DLGAP1: variants seen among roughly 807,000 people sequenced by gnomAD.
DLGAP1 encodes the protein disks large-associated protein 1.
A neutral mutation model predicts 90.8 loss-of-function variants in DLGAP1; 11 were observed. The observed-to-expected ratio is 0.12, with a 90% CI of 0.08 to 0.20. DLGAP1 has a LOEUF of 0.20. Among genes scored for constraint, DLGAP1 ranks in the 10% least tolerant of loss-of-function variants. The pLI, the probability that DLGAP1 is intolerant of heterozygous loss-of-function variation, is 1.00. For missense variants in DLGAP1, 1,050 were observed against 1,333.8 expected, an observed-to-expected ratio of 0.79 and a Z score of 3.31; for synonymous variants, 558 against 540.7, an observed-to-expected ratio of 1.03 and a Z score of -0.44.
At chr18:3,914,009 T>A (rs980496006) in intron 3 of DLGAP1, among the ~76,000 whole-genome samples, 3 of 152,242 alleles carry the variant, frequency 2.0e-5, no homozygotes, top group Non-Finnish European at 2.9e-5. Flanking sequence ...CAATTGTCAC[T>A]ATGGCTTTCT....
At chr18:3,706,036 CGCCCAGGCTGGATT>C (rs1567989820) in intron 7 of DLGAP1, among the ~76,000 whole-genome samples, 1 of 141,794 alleles carries the variant, frequency 7.1e-6, no homozygotes, top group Non-Finnish European at 1.5e-5. Context: ...CAGGCTGGAT[CGCCCAGGCTGGATT>C]GCCCAGGCGC....
In DLGAP1 at chr18:4,003,601, G is replaced by T. The variant is rs577337917; in HGVS notation, c.-73+1515C>A. Among the ~76,000 whole-genome samples, 8 of 152,228 alleles carry T rather than the reference G, an allele frequency of 5.3e-5. No individual in the cohort carries two copies. The South Asian group carries it at 8.3e-4, about 16-fold the overall frequency. ...TATTGAATGGGAAAGTTTGAAAGAGGTGGCATTTGGGGTGAAAGTGTCTCC... is the reference window on the plus strand; with the variant it reads ...TATTGAATGGGAAAGTTTGAAAGAGTTGGCATTTGGGGTGAAAGTGTCTCC... On this transcript the variant is annotated intron_variant, in intron 3 of 12. Transcript: ENST00000315677.
chr18:3,884,152 G>A (rs941174626), intron 3 of DLGAP1, among the ~76,000 whole-genome samples: 1 of 152,212 alleles, frequency 6.6e-6, no homozygotes, highest in Non-Finnish European at 1.5e-5. Flanking sequence ...CTGTGGCAAG[G>A]AAGAATGTAA....
chr18:4,391,424 T>C (rs2082337903), intron 1 of DLGAP1, among the ~76,000 whole-genome samples: 1 of 152,180 alleles, frequency 6.6e-6, no homozygotes, highest in Non-Finnish European at 1.5e-5. Flanking sequence ...AATAGTCCTA[T>C]TTACCTATTT....
chr18:4,347,774 ACTAT>A lies in DLGAP1; in HGVS notation c.-267+107228_-267+107231del, dbSNP rs141978490. The stretch of plus-strand genomic sequence containing the variant: ...GGGGAAGATGCTAGTTATCTCCATT[ACTAT>A]CTATTATTTTACTGAAAGTGTTAAA... On this transcript the variant is annotated intron_variant, in intron 1 of 12. Transcript: ENST00000315677. 2.9e-3 allele frequency among the ~76,000 whole-genome samples: 434 copies of A among 152,194 alleles called. 1 individual carries two copies. The highest frequency in any genetic ancestry group is 1.0e-2 in the African/African-American group (414 of 41,558).
intron 1 of DLGAP1, among the ~76,000 whole-genome samples, chr18:4,249,485 C>T (rs2078732780): frequency 1.4e-5 from 2 of 147,032 alleles, no homozygotes; most frequent in Admixed American, 6.8e-5. Flanking sequence ...ATTGGCTATG[C>T]ATATTAGATA....
intron 1 of DLGAP1, among the ~76,000 whole-genome samples, chr18:4,278,039 G>C (rs1277431470): frequency 6.6e-6 from 1 of 151,946 alleles, no homozygotes; most frequent in Non-Finnish European, 1.5e-5. Flanking sequence ...ATTTAGAAGA[G>C]AAAAGCTACT....
At chr18:4,197,199 A>AAAAAAAAAAAAAAAAAAG (rs1555760529) in intron 1 of DLGAP1, among the ~76,000 whole-genome samples, 1 of 144,304 alleles carries the variant, frequency 6.9e-6, no homozygotes, top group East Asian at 2.2e-4. Context: ...AAAAAAAAAA[A>AAAAAAAAAAAAAAAAAAG]AAAAAAAAAG....
chr18:4,041,191 A>C (rs2074968821), intron 2 of DLGAP1, among the ~76,000 whole-genome samples: 1 of 152,226 alleles, frequency 6.6e-6, no homozygotes, highest in Admixed American at 6.5e-5. Flanking sequence ...TGGTTTTGCA[A>C]TGCAATAGTG....
chr18:3,871,453 G>A lies in DLGAP1; in HGVS notation c.957+7659C>T, dbSNP rs970871872. ...ATGTATCTTATGATTTTAGAGTCTC[G>A]GAGAATTAAATCAGGGAGGAGTTAG... On this transcript the variant is annotated intron_variant, in intron 4 of 12. Transcript: ENST00000315677. Among the ~76,000 whole-genome samples the A allele has an allele frequency of 6.6e-5, 10 of 152,118 alleles. No homozygotes were observed. In the South Asian group the frequency reaches 1.0e-3, roughly 16 times the overall value.
chr18:4,379,578 T>A (rs2082077600), intron 1 of DLGAP1, among the ~76,000 whole-genome samples: 1 of 152,078 alleles, frequency 6.6e-6, no homozygotes, highest in Non-Finnish European at 1.5e-5. Context: ...TCACACAAAA[T>A]CTGCACTTCA....
intron 4 of DLGAP1, among the ~76,000 whole-genome samples, chr18:3,830,741 C>T (rs1293795086): frequency 6.6e-6 from 1 of 152,188 alleles, no homozygotes; most frequent in Non-Finnish European, 1.5e-5. Flanking sequence ...TAACACTGAT[C>T]ACATTGTTTT....
chr18:3,840,046 G>A (rs1452780332), intron 4 of DLGAP1, among the ~76,000 whole-genome samples: 2 of 152,166 alleles, frequency 1.3e-5, no homozygotes, highest in Admixed American at 1.3e-4. Context: ...TTCCTCTAGC[G>A]CCAGCGTTGC....
intron 1 of DLGAP1, among the ~76,000 whole-genome samples, chr18:4,360,547 A>G (rs2081609508): frequency 6.6e-6 from 1 of 152,224 alleles, no homozygotes; most frequent in Non-Finnish European, 1.5e-5. Flanking sequence ...TAGATAAATA[A>G]AGCAAGTTTG....
intron 1 of DLGAP1, among the ~76,000 whole-genome samples, chr18:4,261,650 A>G (rs2079005337): frequency 6.6e-6 from 1 of 152,154 alleles, no homozygotes; most frequent in Admixed American, 6.5e-5. Flanking sequence ...TTTTTAGCAT[A>G]TAGTGAATTA....
chr18:3,949,062 T>C (rs1385229050), intron 3 of DLGAP1, among the ~76,000 whole-genome samples: 1 of 152,200 alleles, frequency 6.6e-6, no homozygotes, highest in Non-Finnish European at 1.5e-5. Flanking sequence ...AAGAATATTG[T>C]TATGAAGAAA....
chr18:3,717,198 T>C (rs1430362664), intron 7 of DLGAP1, among the ~76,000 whole-genome samples: 1 of 152,138 alleles, frequency 6.6e-6, no homozygotes, highest in Non-Finnish European at 1.5e-5. Context: ...AAATCCTCTA[T>C]AGATTTTCTC....
chr18:3,772,386 TTCTTTCTTTCTTTCTTTCTTTC>T lies in DLGAP1; in HGVS notation c.1173-29896_1173-29875del, dbSNP rs1179754606. 2.7e-3 allele frequency among the ~76,000 whole-genome samples: 26 copies of T among 9,632 alleles called. 1 individual carries two copies. Among genetic ancestry groups the T allele is most frequent in the Admixed American group, 5.2e-3 (2 of 382 alleles). The allele number at this position is 9,632 out of a possible 152,430, so 6.3% of individuals were successfully genotyped here. A position where few individuals can be genotyped will look rare whatever the true frequency, so the allele number is the denominator to read the frequency against. On this transcript the variant is annotated intron_variant, in intron 5 of 12. Transcript: ENST00000315677. ...TTTCTTTCTTTCTTTCTTTCTTTCTTTCTTTCTTTCTTTCTTTCTTTCTCTTTCTTTCTTTCCTTCCTTCCTC... is the reference window on the plus strand; with the variant it reads ...TTTCTTTCTTTCTTTCTTTCTTTCTTTCTTTCTTTCTTTCCTTCCTTCCTC...
intron 2 of DLGAP1, among the ~76,000 whole-genome samples, chr18:4,012,957 G>A (rs2074453960): frequency 6.6e-6 from 1 of 152,122 alleles, no homozygotes; most frequent in Middle Eastern, 3.4e-3. Flanking sequence ...CTCCTGCCTC[G>A]TCCTCCCAAA....
Sources: gnomAD v4.1 joint callset for allele counts (sites outside exome capture counted in the v4.1 genomes callset) on GRCh38, gnomAD v4.1.1 for gene constraint, MANE v1.5 for transcripts, NCBI Gene and HGNC (gene_info 2026-07-23, HGNC 2026-07-21) for gene names.